RUFY3: variants seen among roughly 807,000 people sequenced by gnomAD.
RUFY3 encodes protein RUFY3.
In RUFY3, 34 loss-of-function variants were observed where a neutral mutation model predicts 84.0. That is an observed-to-expected ratio of 0.40 (90% CI 0.31 to 0.54). The LOEUF is 0.54. Ranked by LOEUF, RUFY3 falls within the 20% of genes least tolerant of loss-of-function variation. The pLI is 0.39. For missense variants in RUFY3, 507 were observed against 736.8 expected, an observed-to-expected ratio of 0.69 and a Z score of 3.61; for synonymous variants, 242 against 252.9, an observed-to-expected ratio of 0.96 and a Z score of 0.41.
At chr4:70,718,373 A>T (rs911473911), upstream of RUFY3, among the ~76,000 whole-genome samples, 2 of 152,182 alleles carry the variant, frequency 1.3e-5, no homozygotes, top group Non-Finnish European at 2.9e-5. Flanking sequence ...TGTGACTCTT[A>T]TTTGCTTTGA....
intron 5 of RUFY3, among the ~76,000 whole-genome samples, chr4:70,770,405 ATCT>A (rs1185385143): frequency 6.6e-6 from 1 of 152,182 alleles, no homozygotes; most frequent in African/African-American, 2.4e-5. Flanking sequence ...TCTTAATTAG[ATCT>A]TCTGGATAAC....
At chr4:70,739,001 C>T (rs1465474515) in intron 1 of RUFY3, among the ~76,000 whole-genome samples, 2 of 151,888 alleles carry the variant, frequency 1.3e-5, no homozygotes, top group Non-Finnish European at 2.9e-5. Flanking sequence ...AGGCATGAAC[C>T]ACCACACCCA....
At chr4:70,710,579 A>G (rs1740867881) in intron 1 of RUFY3, among the ~76,000 whole-genome samples, 1 of 152,176 alleles carries the variant, frequency 6.6e-6, no homozygotes, top group Non-Finnish European at 1.5e-5. Flanking sequence ...TTGAGGCAGG[A>G]GAATCACTTG....
In RUFY3 at chr4:70,793,900, C is replaced by T. The variant is rs2148807903; in HGVS notation, c.1453C>T (p.Gln485Ter). ...LQLEVEELTR[Q>*]RNQLELELKQ... ...GCTGGAAGTCGAGGAGCTCACCAGG[C>T]AGCGGTGAAGAGGGGGTAGCTTGAG... is the stretch of plus-strand genomic sequence containing the variant. Residue 485 changes from glutamine to a stop codon, truncating the protein, a stop_gained, in exon 13 of 18, where the codon CAG becomes TAG. Transcript: ENST00000381006. LOFTEE classifies it high-confidence loss of function. 1 of 1,613,870 alleles carries T rather than the reference C, an allele frequency of 6.2e-7. No individual in the cohort carries two copies. Among genetic ancestry groups the T allele is most frequent in the Middle Eastern group, 1.7e-4 (1 of 5,992 alleles).
In RUFY3 at chr4:70,794,895, G is replaced by A; in HGVS notation, c.1557+1G>A. On this transcript the variant is annotated splice_donor_variant, in intron 14 of 17. Transcript: ENST00000381006. LOFTEE classifies it high-confidence loss of function. ...TTCCCAGAAGTCAGAATCCAAGATG[G>A]TAATATTTGCTATTCCCTTGTTCTT... 1 of 1,570,538 alleles carries A rather than the reference G, an allele frequency of 6.4e-7. No individual in the cohort carries two copies. Among genetic ancestry groups the A allele is most frequent in the Non-Finnish European group, 8.7e-7 (1 of 1,143,004 alleles).
intron 11 of RUFY3, 50 bp downstream of exon 11, chr4:70,789,023 C>A: frequency 1.3e-6 from 2 of 1,587,508 alleles, no homozygotes; most frequent in South Asian, 1.1e-5. Context: ...AATCCTGGGG[C>A]TTCCCTCCTC....
chr4:70,778,099 G>A (rs1728264910), intron 7 of RUFY3, among the ~76,000 whole-genome samples: 1 of 152,084 alleles, frequency 6.6e-6, no homozygotes, highest in Non-Finnish European at 1.5e-5. Flanking sequence ...TGGATTTGGT[G>A]GTGCATGTCT....
At chr4:70,742,576 C>G (rs1036207653) in intron 1 of RUFY3, among the ~76,000 whole-genome samples, 1 of 152,228 alleles carries the variant, frequency 6.6e-6, no homozygotes, top group African/African-American at 2.4e-5. Context: ...GGCCCACATT[C>G]TTTTCTCCAT....
intron 17 of RUFY3, 51 bp downstream of exon 17, chr4:70,804,467 C>A: frequency 1.4e-6 from 2 of 1,463,246 alleles, no homozygotes; most frequent in Non-Finnish European, 1.9e-6. Flanking sequence ...TCTACAGCAG[C>A]CCCCAGTCCC....
At chr4:70,775,969 A>T (rs1294550443) in intron 7 of RUFY3, among the ~76,000 whole-genome samples, 3 of 151,736 alleles carry the variant, frequency 2.0e-5, no homozygotes, top group South Asian at 2.1e-4. Context: ...GAAAAAAAAG[A>T]TACATGCTTT....
intron 14 of RUFY3, among the ~76,000 whole-genome samples, chr4:70,796,466 T>C (rs1731524360): frequency 6.6e-6 from 1 of 152,234 alleles, no homozygotes; most frequent in Non-Finnish European, 1.5e-5. Context: ...AGGTTCTTGA[T>C]CCCACTTGTT....
At chr4:70,709,993 C>T (rs1203465713) in intron 1 of RUFY3, among the ~76,000 whole-genome samples, 3 of 152,192 alleles carry the variant, frequency 2.0e-5, no homozygotes, top group African/African-American at 4.8e-5. Context: ...GGCAGCGTTA[C>T]TATGACTACC....
At chr4:70,799,691 C>T (rs1011420820) in intron 14 of RUFY3, 2 of 158,614 alleles carry the variant, frequency 1.3e-5, no homozygotes, top group African/African-American at 4.8e-5. Flanking sequence ...GAGACTCTGT[C>T]TCCAAAAAGA....
At chr4:70,806,424 A>G (rs1024240645) in intron 17 of RUFY3, 92 bp from the exon 18 acceptor site, 3 of 1,389,250 alleles carry the variant, frequency 2.2e-6, no homozygotes, top group Non-Finnish European at 3.0e-6. Flanking sequence ...TTGATTAGGC[A>G]TTGAGCATTT....
chr4:70,739,037 A>C (rs1002694612), intron 1 of RUFY3, among the ~76,000 whole-genome samples: 1 of 151,456 alleles, frequency 6.6e-6, no homozygotes, highest in Non-Finnish European at 1.5e-5. Flanking sequence ...AAATGGCTGA[A>C]GTGTTGATGA....
intron 8 of RUFY3, among the ~76,000 whole-genome samples, chr4:70,778,908 C>G (rs1728438073): frequency 1.3e-5 from 2 of 152,084 alleles, no homozygotes; most frequent in South Asian, 4.1e-4. Context: ...CTAGAACGGC[C>G]CAGTTGGCTT....
chr4:70,804,887 T>G (rs1732675243), intron 17 of RUFY3, among the ~76,000 whole-genome samples: 1 of 152,046 alleles, frequency 6.6e-6, no homozygotes, highest in Non-Finnish European at 1.5e-5. Context: ...ATCACACCAT[T>G]GCACTCCAGC....
chr4:70,782,764 T>C (rs951120191), intron 8 of RUFY3, among the ~76,000 whole-genome samples: 5 of 151,904 alleles, frequency 3.3e-5, no homozygotes, highest in African/African-American at 1.2e-4. Flanking sequence ...AATACAAAAA[T>C]TAGTTGGGCG....
At chr4:70,776,674 G>A (rs1415189080) in intron 7 of RUFY3, among the ~76,000 whole-genome samples, 1 of 152,226 alleles carries the variant, frequency 6.6e-6, no homozygotes, top group Non-Finnish European at 1.5e-5. Flanking sequence ...TGCTCGGGAG[G>A]CTGAGGCAGG....
Sources: gnomAD v4.1 joint callset for allele counts (sites outside exome capture counted in the v4.1 genomes callset) on GRCh38, gnomAD v4.1.1 for gene constraint, MANE v1.5 for transcripts, NCBI Gene and HGNC (gene_info 2026-07-23, HGNC 2026-07-21) for gene names.